Variants in GPR158 observed in about 807,000 individuals in gnomAD.
GPR158 encodes the protein G protein-coupled receptor 158, also known as metabotropic glycine receptor.
In GPR158, 30 loss-of-function variants were observed where a neutral mutation model predicts 78.2. The ratio of observed to expected loss-of-function variants is 0.38; its 90% CI spans 0.29 to 0.52. GPR158 has a LOEUF of 0.52. GPR158 is among the 20% of genes least tolerant of loss of function. The pLI is 0.83. For synonymous variants in GPR158, 581 were observed against 591.1 expected (o/e 0.98, Z 0.25); for missense variants, 1,463 against 1,523.5 (o/e 0.96, Z 0.66).
intron 2 of GPR158, among the ~76,000 whole-genome samples, chr10:25,333,099 C>G (rs905507846): frequency 6.6e-6 from 1 of 152,088 alleles, no homozygotes; most frequent in African/African-American, 2.4e-5. Flanking sequence ...GAGAGAGGCA[C>G]TCAAAGAATG....
chr10:25,192,894 A>T (rs1852792863), intron 1 of GPR158, among the ~76,000 whole-genome samples: 1 of 152,234 alleles, frequency 6.6e-6, no homozygotes, highest in South Asian at 2.1e-4. Flanking sequence ...TCAACACTTT[A>T]GTAAAAAATA....
chr10:25,345,194 C>T (rs1445742983), intron 2 of GPR158, among the ~76,000 whole-genome samples: 4 of 151,878 alleles, frequency 2.6e-5, no homozygotes, highest in East Asian at 3.9e-4. Flanking sequence ...TGGTCTTGTC[C>T]GGCAACATTC....
At chr10:25,296,575 G>A (rs962832030) in intron 2 of GPR158, among the ~76,000 whole-genome samples, 1 of 152,012 alleles carries the variant, frequency 6.6e-6, no homozygotes, top group Non-Finnish European at 1.5e-5. Context: ...GTTTTGCCTT[G>A]CTTATTGGTA....
At chr10:25,430,082 C>T (rs1209150747) in intron 4 of GPR158, among the ~76,000 whole-genome samples, 4 of 149,910 alleles carry the variant, frequency 2.7e-5, no homozygotes, top group Admixed American at 2.0e-4. Flanking sequence ...TCCCTGTTTG[C>T]AGATGACATG....
At chr10:25,183,807 G>A (rs1163691343) in intron 1 of GPR158, among the ~76,000 whole-genome samples, 2 of 152,132 alleles carry the variant, frequency 1.3e-5, no homozygotes, top group East Asian at 1.9e-4. Flanking sequence ...CAATGTGTAT[G>A]CCTTGTTACA....
At chr10:25,463,022 A>G (rs905629181) in intron 4 of GPR158, among the ~76,000 whole-genome samples, 3 of 152,216 alleles carry the variant, frequency 2.0e-5, no homozygotes, top group Non-Finnish European at 4.4e-5. Context: ...TGAAAGGAAG[A>G]GTCGACTGGT....
At chr10:25,210,379 A>C (rs1487490862) in intron 1 of GPR158, among the ~76,000 whole-genome samples, 2 of 152,158 alleles carry the variant, frequency 1.3e-5, no homozygotes, top group Admixed American at 6.5e-5. Flanking sequence ...TTCAAATGAG[A>C]AATCCAAAAG....
chr10:25,551,822 C>T (rs1836729419), intron 6 of GPR158, among the ~76,000 whole-genome samples: 2 of 152,118 alleles, frequency 1.3e-5, no homozygotes, highest in South Asian at 4.1e-4. Flanking sequence ...AATAAACTTT[C>T]CCTGCAGGGT....
chr10:25,475,664 A>T (rs1835573057), intron 5 of GPR158: 1 of 152,134 alleles, frequency 6.6e-6, no homozygotes, highest in Non-Finnish European at 1.5e-5. Flanking sequence ...ATAGCCAAAA[A>T]ATCTAATAAT....
At chr10:25,189,527 A>G (rs779420898) in intron 1 of GPR158, among the ~76,000 whole-genome samples, 9 of 152,168 alleles carry the variant, frequency 5.9e-5, no homozygotes, top group African/African-American at 1.2e-4. Flanking sequence ...TCAGCAAACT[A>G]TCACAAGGAT....
At chr10:25,205,216 G>A (rs1853006125) in intron 1 of GPR158, among the ~76,000 whole-genome samples, 1 of 150,980 alleles carries the variant, frequency 6.6e-6, no homozygotes, top group South Asian at 2.1e-4. Flanking sequence ...TCAGCAGCAT[G>A]AAAATGGACT....
At chr10:25,419,012 T>C (rs1754282) in intron 4 of GPR158, among the ~76,000 whole-genome samples, 104,989 of 151,340 alleles carry the variant, frequency 0.69, 37,543 homozygotes, top group Non-Finnish European at 0.8. Flanking sequence ...TTCTAATATG[T>C]TAATTATGAT....
At chr10:25,547,747 C>G (rs560644800) in intron 5 of GPR158, among the ~76,000 whole-genome samples, 6 of 152,306 alleles carry the variant, frequency 3.9e-5, no homozygotes, top group African/African-American at 1.4e-4. Context: ...TCTGACAGTT[C>G]TAGCTGTGTA....
chr10:25,274,725 A>G (rs192016166), intron 2 of GPR158, among the ~76,000 whole-genome samples: 2 of 152,332 alleles, frequency 1.3e-5, no homozygotes, highest in East Asian at 3.9e-4. Context: ...TTAGGTAGGC[A>G]CTGAAGAGAT....
chr10:25,524,485 A>G (rs954531363), intron 5 of GPR158, among the ~76,000 whole-genome samples: 1 of 152,228 alleles, frequency 6.6e-6, no homozygotes, highest in Non-Finnish European at 1.5e-5. Context: ...TCCAAAATAC[A>G]TCTTTCCATT....
intron 7 of GPR158, among the ~76,000 whole-genome samples, chr10:25,580,349 T>C (rs1431630799): frequency 2.0e-4 from 30 of 152,364 alleles, no homozygotes; most frequent in Admixed American, 2.0e-3. Context: ...TGTTCTTGTC[T>C]TTCCTGGTAC....
chr10:25,193,237 A>G (rs1852797798), intron 1 of GPR158, among the ~76,000 whole-genome samples: 1 of 152,226 alleles, frequency 6.6e-6, no homozygotes, highest in Non-Finnish European at 1.5e-5. Context: ...ATAAGTAATT[A>G]TTGATAGAAC....
rs923336729 is a variant in GPR158, at chr10:25,323,522, A to C, written c.1009-72389A>C. Among the ~76,000 whole-genome samples, 92 of 149,200 alleles carry C rather than the reference A, an allele frequency of 6.2e-4. 1 individual carries two copies. The highest frequency in any genetic ancestry group is 1.1e-3 in the Non-Finnish European group (78 of 67,844). On this transcript the variant is annotated intron_variant, in intron 2 of 10. Transcript: ENST00000376351. ...TGTAGCTACTTTTATCAATTATCTT[A>C]GGTAGATTTTTTTTTTTTTTGAGAA...
intron 5 of GPR158, among the ~76,000 whole-genome samples, chr10:25,530,850 G>A (rs1335168021): frequency 6.6e-6 from 1 of 152,270 alleles, no homozygotes; most frequent in East Asian, 1.9e-4. Flanking sequence ...CCTTGTGTCA[G>A]CTCTCTGGTC....
Sources: allele counts gnomAD v4.1 joint callset (sites outside exome capture counted in the v4.1 genomes callset), GRCh38; gene constraint gnomAD v4.1.1; transcripts MANE v1.5; gene names NCBI Gene and HGNC (gene_info 2026-07-23, HGNC 2026-07-21).